Variants in TMEM117 observed in about 807,000 individuals in gnomAD.
TMEM117 encodes transmembrane protein 117.
TMEM117 carries 27 observed loss-of-function variants against 52.4 expected under a neutral mutation model. The observed-to-expected ratio is 0.51, with a 90% CI of 0.38 to 0.71. The LOEUF (loss-of-function observed/expected upper bound fraction) is 0.71, where lower values mean the gene tolerates loss of function less well. TMEM117 is among the 30% of genes least tolerant of loss of function. The pLI is 0.00. For missense variants in TMEM117, 556 were observed against 630.5 expected, an observed-to-expected ratio of 0.88 and a Z score of 1.26; for synonymous variants, 215 against 206.3, an observed-to-expected ratio of 1.04 and a Z score of -0.36.
intron 5 of TMEM117, among the ~76,000 whole-genome samples, chr12:44,218,547 G>A (rs1372462831): frequency 6.6e-6 from 1 of 152,090 alleles, no homozygotes; most frequent in African/African-American, 2.4e-5. Flanking sequence ...GGTAAAACCC[G>A]AAAGCTTCTC....
the TMEM117 span, among the ~76,000 whole-genome samples, chr12:43,811,995 CAT>C: frequency 2.0e-5 from 3 of 151,976 alleles, no homozygotes; most frequent in Admixed American, 2.0e-4. Flanking sequence ...GTAAGAGATA[CAT>C]ATATCTTCTG....
intron 3 of TMEM117, among the ~76,000 whole-genome samples, chr12:44,066,597 C>T (rs896614826): frequency 5.9e-5 from 9 of 152,138 alleles, no homozygotes; most frequent in Non-Finnish European, 1.0e-4. Context: ...ATACTGTAGT[C>T]TAGTTAGTGT....
At chr12:44,318,513 C>A (rs936532691) in intron 6 of TMEM117, 2 of 152,000 alleles carry the variant, frequency 1.3e-5, no homozygotes, top group Non-Finnish European at 2.9e-5. Context: ...CTGATCCAGG[C>A]AACAGGGTGC....
intron 5 of TMEM117, among the ~76,000 whole-genome samples, chr12:44,279,950 C>T (rs1327179166): frequency 6.6e-6 from 1 of 152,148 alleles, no homozygotes; most frequent in East Asian, 1.9e-4. Context: ...TTCTCTCCTT[C>T]CCTAGATTTT....
At chr12:43,941,453 A>T (rs1945043149) in intron 2 of TMEM117, among the ~76,000 whole-genome samples, 1 of 152,236 alleles carries the variant, frequency 6.6e-6, no homozygotes, top group Admixed American at 6.5e-5. Context: ...TCCCAGGGAA[A>T]CCACATATAT....
intron 3 of TMEM117, among the ~76,000 whole-genome samples, chr12:44,037,470 ACGCTGGG>A: frequency 6.6e-6 from 1 of 152,218 alleles, no homozygotes; most frequent in South Asian, 2.1e-4. Context: ...GCCCCTCCAG[ACGCTGGG>A]CACTGACAAC....
At chr12:44,251,078 G>C (rs17639010) in intron 5 of TMEM117, among the ~76,000 whole-genome samples, 7,113 of 152,206 alleles carry the variant, frequency 0.047, 235 homozygotes, top group Middle Eastern at 0.075. Context: ...TCTTGACTCA[G>C]CATTACATAT....
chr12:43,827,543 T>C, the TMEM117 span, among the ~76,000 whole-genome samples: 1 of 152,190 alleles, frequency 6.6e-6, no homozygotes, highest in African/African-American at 2.4e-5. Flanking sequence ...AATAACATTA[T>C]TGGGGGGGAT....
intron 6 of TMEM117, among the ~76,000 whole-genome samples, chr12:44,308,720 C>T (rs1950934776): frequency 6.6e-6 from 1 of 151,786 alleles, no homozygotes; most frequent in South Asian, 2.1e-4. Context: ...CCCGGGTTCA[C>T]CCCATTCTCC....
intron 6 of TMEM117, among the ~76,000 whole-genome samples, chr12:44,340,083 G>T (rs1951396915): frequency 6.6e-6 from 1 of 151,950 alleles, no homozygotes; most frequent in Non-Finnish European, 1.5e-5. Context: ...ACTACATATA[G>T]AAATAATTTA....
chr12:44,072,766 A>T (rs1235247877), intron 3 of TMEM117, among the ~76,000 whole-genome samples: 1 of 152,212 alleles, frequency 6.6e-6, no homozygotes, highest in African/African-American at 2.4e-5. Flanking sequence ...CAATCAGGTA[A>T]ATAATTTATG....
intron 2 of TMEM117, among the ~76,000 whole-genome samples, chr12:43,921,376 C>A (rs2137556829): frequency 6.6e-6 from 1 of 152,138 alleles, no homozygotes; most frequent in Middle Eastern, 3.4e-3. Flanking sequence ...TAGTTAGTAT[C>A]TGGTAGAGAG....
chr12:43,897,690 C>A (rs1468477724), intron 2 of TMEM117, among the ~76,000 whole-genome samples: 1 of 151,150 alleles, frequency 6.6e-6, no homozygotes, highest in Admixed American at 6.6e-5. Context: ...TCACTGTTGC[C>A]TCTGCCTCCT....
At chr12:44,152,193 A>G (rs1308235910) in intron 4 of TMEM117, among the ~76,000 whole-genome samples, 1 of 110,490 alleles carries the variant, frequency 9.1e-6, no homozygotes, top group African/African-American at 3.7e-5. Context: ...TAAAATATAT[A>G]TAAATATAAT....
At chr12:44,098,006 T>G (rs1334620902) in intron 3 of TMEM117, among the ~76,000 whole-genome samples, 4 of 152,022 alleles carry the variant, frequency 2.6e-5, no homozygotes, top group African/African-American at 9.7e-5. Context: ...TCCAATTTAA[T>G]AAGTTAGAGC....
intron 3 of TMEM117, among the ~76,000 whole-genome samples, chr12:43,953,760 A>G (rs1681784006): frequency 6.6e-6 from 1 of 152,072 alleles, no homozygotes; most frequent in Non-Finnish European, 1.5e-5. Context: ...AGAAAATTAA[A>G]AAATATATTC....
chr12:43,897,604 C>T (rs540195251), intron 2 of TMEM117, among the ~76,000 whole-genome samples: 43 of 152,032 alleles, frequency 2.8e-4, no homozygotes, highest in African/African-American at 9.9e-4. Context: ...TGAGCCACCG[C>T]GCCTGGACTT....
intron 5 of TMEM117, among the ~76,000 whole-genome samples, chr12:44,247,754 T>A (rs1478751856): frequency 6.6e-6 from 1 of 152,196 alleles, no homozygotes; most frequent in Non-Finnish European, 1.5e-5. Flanking sequence ...GGGGCAGTAT[T>A]TCACAGGAAG....
chr12:44,054,579 C>G (rs1947022445), intron 3 of TMEM117, among the ~76,000 whole-genome samples: 1 of 152,068 alleles, frequency 6.6e-6, no homozygotes, highest in Non-Finnish European at 1.5e-5. Flanking sequence ...TTTTTGCAAA[C>G]TGTGTTTTAA....
Sources: gnomAD v4.1 joint callset for allele counts (sites outside exome capture counted in the v4.1 genomes callset) on GRCh38, gnomAD v4.1.1 for gene constraint, MANE v1.5 for transcripts, NCBI Gene and HGNC (gene_info 2026-07-23, HGNC 2026-07-21) for gene names.